The following SLC44A2 variants were observed in gnomAD, a reference collection of about 807,000 sequenced individuals.
SLC44A2 encodes the protein solute carrier family 44 member 2 (CTL2 blood group), also known as choline transporter-like protein 2.
Under a neutral mutation model 90.8 loss-of-function variants are expected in SLC44A2, and 57 were observed. The observed-to-expected ratio is 0.63, with a 90% CI of 0.51 to 0.78. The LOEUF is 0.78. Ranked by LOEUF, SLC44A2 falls within the 30% of genes least tolerant of loss-of-function variation. SLC44A2 has a pLI of 0.00. For synonymous variants in SLC44A2, 355 were observed against 360.7 expected (o/e 0.98, Z 0.18); for missense variants, 794 against 919.7 (o/e 0.86, Z 1.77).
At chr19:10,624,740 A>C (rs2066916726), upstream of SLC44A2, among the ~76,000 whole-genome samples, 1 of 152,222 alleles carries the variant, frequency 6.6e-6, no homozygotes, top group Admixed American at 6.6e-5. Flanking sequence ...AGGGCGACCC[A>C]GGAGGATGTG....
At chr19:10,635,837 G>A (rs1432691152) in intron 14 of SLC44A2, 1 of 272,182 alleles carries the variant, frequency 3.7e-6, no homozygotes, top group African/African-American at 2.4e-5. Context: ...GGAGTGCAGT[G>A]GCATGATCTC....
rs564157865 is a variant in SLC44A2 at position 10,644,234 on chromosome 19, G to A, written c.*849G>A. The stretch of plus-strand genomic sequence containing the variant: ...AAACCCACCCAAGGGATGATGTCAG[G>A]GGGAGAGGTGGAGGGCAGATGTCCT... On this transcript the variant is annotated 3_prime_UTR_variant, in exon 22 of 22. Transcript: ENST00000335757. 1 of 152,648 alleles carries A rather than the reference G, an allele frequency of 6.6e-6. No individual in the cohort carries two copies. The highest frequency in any genetic ancestry group is 2.4e-5 in the African/African-American group (1 of 41,434). 9.5% of individuals were successfully genotyped at this position (152,648 alleles called of 1,614,324 possible).
upstream of SLC44A2, among the ~76,000 whole-genome samples, chr19:10,621,885 G>A (rs955636846): frequency 3.9e-5 from 6 of 152,160 alleles, no homozygotes; most frequent in Non-Finnish European, 8.8e-5. Flanking sequence ...CCAAAGTGCT[G>A]GGATTATAGG....
At position 10,608,954 on chromosome 19, in the gene SLC44A2, C is replaced by CTTTT. The variant is rs35684067; in HGVS notation, c.31+6411_31+6414dup. Reference sequence around the variant, plus strand: ...TCGTGAGCCACTGCACCCAGCCTACCTTTTTTTTTTTTTTTTTTTTTGAGA... The same window carrying CTTTT: ...TCGTGAGCCACTGCACCCAGCCTACCTTTTTTTTTTTTTTTTTTTTTTTTTGAGA... On this transcript the variant is annotated intron_variant, in intron 1 of 21. Coordinates refer to the SLC44A2 transcript ENST00000407327. Among the ~76,000 whole-genome samples the CTTTT allele has an allele frequency of 8.8e-3, 978 of 111,180 alleles. 21 individuals are homozygous for CTTTT. Among genetic ancestry groups the CTTTT allele is most frequent in the Non-Finnish European group, 0.014 (737 of 52,434 alleles). 72.9% of individuals were successfully genotyped at this position (111,180 alleles called of 152,430 possible).
chr19:10,640,951 C>T, intron 20 of SLC44A2: 1 of 248,170 alleles, frequency 4.0e-6, no homozygotes, highest in East Asian at 1.4e-4. Flanking sequence ...GTCAGGTGTG[C>T]TGGTACGCAC....
At chr19:10,634,205 G>T (rs562515901) in intron 10 of SLC44A2, among the ~76,000 whole-genome samples, 2 of 137,778 alleles carry the variant, frequency 1.5e-5, no homozygotes, top group South Asian at 4.8e-4. Context: ...GGTCAGGCTG[G>T]TCTCGAACTC....
chr19:10,615,391 T>A (rs1392815955), intron 1 of SLC44A2, among the ~76,000 whole-genome samples: 1 of 151,712 alleles, frequency 6.6e-6, no homozygotes, highest in South Asian at 2.1e-4. Context: ...CTGGCCAACA[T>A]GGTGAAACCC....
chr19:10,607,636 G>A (rs1173548339), intron 1 of SLC44A2, among the ~76,000 whole-genome samples: 3 of 151,190 alleles, frequency 2.0e-5, no homozygotes, highest in Admixed American at 6.6e-5. Flanking sequence ...GATTATAGGC[G>A]TGGGCCACCA....
chr19:10,641,139 TCC>T, intron 20 of SLC44A2: 1 of 383,210 alleles, frequency 2.6e-6, no homozygotes, highest in Non-Finnish European at 5.0e-6. Context: ...ACATGTATAA[TCC>T]CAGCACTTTG....
In SLC44A2 at chr19:10,627,713, G is replaced by A; in HGVS notation, c.87-9G>A. 6.2e-7 allele frequency: 1 copy of A among 1,612,830 alleles called. No homozygotes were observed. The highest frequency in any genetic ancestry group is 1.3e-5 in the African/African-American group (1 of 75,014). ...AGCCTCCTCCAAACACTGCCCCTCT[G>A]CTCCCCAGGGGCTGCACGGATATCA... On this transcript the variant is annotated splice_polypyrimidine_tract_variant and intron_variant, in intron 2 of 21. Transcript: ENST00000335757.
At chr19:10,633,681 T>C (rs2067020803) in intron 10 of SLC44A2, among the ~76,000 whole-genome samples, 2 of 152,160 alleles carry the variant, frequency 1.3e-5, no homozygotes, top group Non-Finnish European at 2.9e-5. Flanking sequence ...AGTCTTGAAC[T>C]CCTGAGCTTG....
At position 10,631,331 on chromosome 19, in the gene SLC44A2, C is replaced by T. The variant is rs1434361459; in HGVS notation, c.387C>T (p.Ser129=). The change falls in exon 6 of 22, where the codon TCC becomes TCT. Residue 129 remains serine (S), a synonymous_variant. Transcript: ENST00000335757. ...RYLTYLNARS[S]RDFEYYKQFC... Reference sequence around the variant, plus strand: ...TCACGTACCTGAATGCTCGCAGCTCCCGGGACTTTGAGTACTATAAGCAGT... The same window carrying T: ...TCACGTACCTGAATGCTCGCAGCTCTCGGGACTTTGAGTACTATAAGCAGT... 5 of 1,614,136 alleles carry T rather than the reference C, an allele frequency of 3.1e-6. No individual in the cohort carries two copies. Among genetic ancestry groups the T allele is most frequent in the Non-Finnish European group, 4.2e-6 (5 of 1,180,042 alleles).
chr19:10,609,037 A>G (rs1330546407), intron 1 of SLC44A2, among the ~76,000 whole-genome samples: 1 of 146,380 alleles, frequency 6.8e-6, no homozygotes, highest in Non-Finnish European at 1.5e-5. Flanking sequence ...AGCTCACTGC[A>G]AACTCCACCT....
chr19:10,630,544 C>A (rs1279363175), intron 4 of SLC44A2, among the ~76,000 whole-genome samples: 3 of 151,382 alleles, frequency 2.0e-5, no homozygotes, highest in African/African-American at 7.3e-5. Context: ...ACCTGTAGTC[C>A]CAGCTACTCG....
At chr19:10,623,182 C>G (rs1000224973), upstream of SLC44A2, among the ~76,000 whole-genome samples, 1 of 151,986 alleles carries the variant, frequency 6.6e-6, no homozygotes, top group Non-Finnish European at 1.5e-5. Context: ...GCAGAGACTT[C>G]GAGAACCACA....
upstream of SLC44A2, among the ~76,000 whole-genome samples, chr19:10,620,586 A>G (rs941952250): frequency 6.6e-6 from 1 of 152,206 alleles, no homozygotes; most frequent in African/African-American, 2.4e-5. Flanking sequence ...TATTCATTCA[A>G]CAAATACTTA....
rs761484693 is a variant in SLC44A2 at position 10,643,302 on chromosome 19, G to A, written c.2038G>A (p.Gly680Ser). 23 of 1,610,356 alleles carry A rather than the reference G, an allele frequency of 1.4e-5. No homozygotes were observed. The highest frequency in any genetic ancestry group is 1.8e-5 in the Non-Finnish European group (21 of 1,178,364). Residue 680 changes from glycine to serine, a missense_variant, in exon 22 of 22, where the codon GGC (glycine) becomes AGC (serine). Transcript: ENST00000335757. ...AGTGGAGGACCTGGAGAGGAATGAC[G>A]GCTCGGCCGAGAGGCCTTACTTCAT... ...CFLEDLERND[G>S]SAERPYFMSS... is the part of the protein sequence containing the mutation.
intron 1 of SLC44A2, among the ~76,000 whole-genome samples, chr19:10,620,094 C>T (rs1011450659): frequency 6.6e-6 from 1 of 151,766 alleles, no homozygotes; most frequent in African/African-American, 2.4e-5. Context: ...GAGGATCACT[C>T]GAGCCCAGCA....
intron 20 of SLC44A2, among the ~76,000 whole-genome samples, chr19:10,641,745 CT>C (rs2067118166): frequency 6.6e-6 from 1 of 152,152 alleles, no homozygotes; most frequent in East Asian, 1.9e-4. Flanking sequence ...ACTCCGGAGG[CT>C]GAGGCGGGAG....
Sources: allele counts gnomAD v4.1 joint callset (sites outside exome capture counted in the v4.1 genomes callset), GRCh38; gene constraint gnomAD v4.1.1; transcripts MANE v1.5; gene names NCBI Gene and HGNC (gene_info 2026-07-23, HGNC 2026-07-21).